MCMDC2: variants seen among roughly 807,000 people sequenced by gnomAD.
The protein encoded by MCMDC2 is minichromosome maintenance domain-containing protein 2.
Under a neutral mutation model 75.8 loss-of-function variants are expected in MCMDC2, and 54 were observed. The ratio of observed to expected loss-of-function variants is 0.71; its 90% confidence interval spans 0.57 to 0.89. MCMDC2 has a LOEUF of 0.89. MCMDC2 is among the 40% of genes least tolerant of loss of function. MCMDC2 has a pLI of 0.00. For synonymous variants in MCMDC2, 249 were observed against 274.6 expected (o/e 0.91, Z 0.92); for missense variants, 656 against 780.4 (o/e 0.84, Z 1.90).
At chr8:66,876,053 T>C (rs1811268631) in intron 4 of MCMDC2, among the ~76,000 whole-genome samples, 1 of 152,218 alleles carries the variant, frequency 6.6e-6, no homozygotes, top group Non-Finnish European at 1.5e-5. Flanking sequence ...CTTTTAACAG[T>C]GTCACAATTG....
chr8:66,893,063 A>T (rs1227102980), intron 10 of MCMDC2, among the ~76,000 whole-genome samples: 1 of 152,206 alleles, frequency 6.6e-6, no homozygotes, highest in Non-Finnish European at 1.5e-5. Context: ...TCTGTATTAG[A>T]GTAATACTGG....
At chr8:66,890,702 G>A (rs1372556976) in intron 9 of MCMDC2, among the ~76,000 whole-genome samples, 163 bp from the exon 10 acceptor site, 1 of 152,116 alleles carries the variant, frequency 6.6e-6, no homozygotes, top group Non-Finnish European at 1.5e-5. Flanking sequence ...CGTATTTTCA[G>A]TAGAGACGGG....
At chr8:66,914,115 A>G (rs1309924825) in intron 14 of MCMDC2, among the ~76,000 whole-genome samples, 1 of 151,688 alleles carries the variant, frequency 6.6e-6, no homozygotes, top group Non-Finnish European at 1.5e-5. Flanking sequence ...TCCCATCTAC[A>G]CAGAAAAAAA....
intron 14 of MCMDC2, among the ~76,000 whole-genome samples, chr8:66,910,062 C>T (rs531976633): frequency 7.2e-5 from 11 of 152,324 alleles, no homozygotes; most frequent in Non-Finnish European, 1.5e-4. Flanking sequence ...GTGGCTTACA[C>T]GTGGTGTTGG....
At chr8:66,896,758 GT>G in intron 11 of MCMDC2, 21 bp from the exon 12 acceptor site, 1 of 1,545,662 alleles carries the variant, frequency 6.5e-7, no homozygotes, top group South Asian at 1.3e-5. Context: ...ATGTTTGCCT[GT>G]TACCTTTTGG....
chr8:66,893,458 A>G (rs1812205237), intron 10 of MCMDC2, among the ~76,000 whole-genome samples: 1 of 152,246 alleles, frequency 6.6e-6, no homozygotes, highest in South Asian at 2.1e-4. Context: ...TTAGACTTAC[A>G]GTTCCACATG....
chr8:66,888,819 T>C (rs1811961854), intron 9 of MCMDC2, among the ~76,000 whole-genome samples: 1 of 152,232 alleles, frequency 6.6e-6, no homozygotes, highest in Non-Finnish European at 1.5e-5. Context: ...GTGCTCAGCC[T>C]AGCTGCCTAT....
Position 66,877,469 on chromosome 8 carries a change from G to A in MCMDC2, c.406G>A (p.Ala136Thr). Residue 136 changes from alanine to threonine, a missense_variant, in exon 5 of 15, where the codon GCA (alanine) becomes ACA (threonine). By Grantham distance (58) the Ala-to-Thr change is moderately conservative (BLOSUM62 0). Transcript: ENST00000422365. Reference sequence around the variant, plus strand: ...TTATATGATGCAAGGAATTGTGATTGCAATGACAACTATAACCAAGTATAC... The same window carrying A: ...TTATATGATGCAAGGAATTGTGATTACAATGACAACTATAACCAAGTATAC... ...RFYMMQGIVIAMTTITKYTQG... is the reference protein window; with the variant it reads ...RFYMMQGIVITMTTITKYTQG... The A allele has an allele frequency of 6.2e-7, 1 of 1,613,304 alleles. No homozygotes were observed. Among genetic ancestry groups the A allele is most frequent in the African/African-American group, 1.3e-5 (1 of 75,020 alleles).
intron 10 of MCMDC2, among the ~76,000 whole-genome samples, chr8:66,892,474 G>A (rs1020761158): frequency 2.0e-5 from 3 of 152,254 alleles, no homozygotes; most frequent in Admixed American, 6.5e-5. Flanking sequence ...GTGGAGAAGA[G>A]TTTTATTGCA....
chr8:66,883,627 C>CAA (rs879539316), intron 8 of MCMDC2, 130 bp from the exon 9 acceptor site: 60 of 470,360 alleles, frequency 1.3e-4, no homozygotes, highest in Middle Eastern at 5.9e-4. Context: ...GATCCTGTCT[C>CAA]AAAAAAAAAA....
intron 4 of MCMDC2, among the ~76,000 whole-genome samples, chr8:66,876,028 GT>G (rs1408838669): frequency 6.6e-6 from 1 of 152,200 alleles, no homozygotes; most frequent in Non-Finnish European, 1.5e-5. Context: ...GGAGGATATA[GT>G]ATCTATTGTT....
At chr8:66,888,225 C>T (rs892975855) in intron 9 of MCMDC2, among the ~76,000 whole-genome samples, 2 of 152,036 alleles carry the variant, frequency 1.3e-5, no homozygotes, top group Admixed American at 6.6e-5. Flanking sequence ...GGAACAGAGG[C>T]GTGAACCACC....
downstream of MCMDC2, among the ~76,000 whole-genome samples, chr8:66,923,240 G>T (rs1813617730): frequency 6.6e-6 from 1 of 152,112 alleles, no homozygotes; most frequent in Non-Finnish European, 1.5e-5. Flanking sequence ...TCAGAGCAGG[G>T]ATACCTATAT....
chr8:66,886,859 T>C (rs573594842), intron 9 of MCMDC2, among the ~76,000 whole-genome samples: 1 of 152,102 alleles, frequency 6.6e-6, no homozygotes, highest in South Asian at 2.1e-4. Context: ...ATGTAAAGAG[T>C]TCCTCTTGTT....
intron 13 of MCMDC2, chr8:66,901,585 A>T (rs1812662605): frequency 1.7e-6 from 2 of 1,183,006 alleles, no homozygotes; most frequent in African/African-American, 1.6e-5. Flanking sequence ...ATGCCATATG[A>T]GATATGTCTG....
At chr8:66,881,937 G>A (rs949943562) in intron 8 of MCMDC2, among the ~76,000 whole-genome samples, 2 of 152,146 alleles carry the variant, frequency 1.3e-5, no homozygotes, top group Non-Finnish European at 2.9e-5. Flanking sequence ...TTTGTAATCC[G>A]TATGTTCCCT....
chr8:66,913,962 T>TAAAAA (rs961586876), intron 14 of MCMDC2, among the ~76,000 whole-genome samples: 2 of 78,600 alleles, frequency 2.5e-5, no homozygotes, highest in Admixed American at 1.6e-4. Context: ...AGACTCTGTC[T>TAAAAA]AAAAAAAAAA....
At chr8:66,917,729 A>G (rs1813376879) in intron 14 of MCMDC2, among the ~76,000 whole-genome samples, 1 of 152,214 alleles carries the variant, frequency 6.6e-6, no homozygotes, top group Non-Finnish European at 1.5e-5. Flanking sequence ...TTATGCATGT[A>G]TTAGAATTTC....
At chr8:66,884,951 A>AT (rs1811765279) in intron 9 of MCMDC2, among the ~76,000 whole-genome samples, 1 of 151,844 alleles carries the variant, frequency 6.6e-6, no homozygotes, top group Non-Finnish European at 1.5e-5. Flanking sequence ...TAATTTTTTA[A>AT]TTTTTTATAT....
Sources: allele counts gnomAD v4.1 joint callset (sites outside exome capture counted in the v4.1 genomes callset), GRCh38; gene constraint gnomAD v4.1.1; transcripts MANE v1.5; gene names NCBI Gene and HGNC (gene_info 2026-07-23, HGNC 2026-07-21).